CNOT10: variants seen among roughly 807,000 people sequenced by gnomAD.
CNOT10 encodes CCR4-NOT transcription complex subunit 10, also known as CCR4-NOT transcription complex, subunit 10.
In CNOT10, 30 loss-of-function variants were observed where a neutral mutation model predicts 94.6. The observed-to-expected ratio is 0.32, with a 90% CI of 0.24 to 0.43. The LOEUF is 0.43. CNOT10 is among the 20% of genes least tolerant of loss of function. The pLI, the probability that CNOT10 is intolerant of heterozygous loss-of-function variation, is 1.00. For synonymous variants in CNOT10, 289 were observed against 301.6 expected (o/e 0.96, Z 0.43); for missense variants, 759 against 877.2 (o/e 0.87, Z 1.70).
rs868654577 is a variant in CNOT10 at position 32,695,999 on chromosome 3, G to A, written c.23-7869G>A. On this transcript the variant is annotated intron_variant, in intron 1 of 18. Transcript: ENST00000328834. Reference sequence around the variant, plus strand: ...TGTGTGTGTGTGTGTGTGTGTGTGTGTGTGTGTGTGTGTGTGTATTTGAAA... The same window carrying A: ...TGTGTGTGTGTGTGTGTGTGTGTGTATGTGTGTGTGTGTGTGTATTTGAAA... Among the ~76,000 whole-genome samples, 1 of 130,284 alleles carries A rather than the reference G, an allele frequency of 7.7e-6. No homozygotes were observed. The highest frequency in any genetic ancestry group is 2.7e-5 in the African/African-American group (1 of 36,602). The allele number at this position is 130,284 out of a possible 152,430, so 85.5% of individuals were successfully genotyped here.
intron 1 of CNOT10, among the ~76,000 whole-genome samples, chr3:32,699,706 A>G (rs749509971): frequency 3.3e-5 from 5 of 152,126 alleles, no homozygotes; most frequent in Non-Finnish European, 7.4e-5. Flanking sequence ...AGGGCACCAT[A>G]CTGGGGGAGC....
At chr3:32,720,579 A>G (rs1397983400) in intron 8 of CNOT10, among the ~76,000 whole-genome samples, 1 of 151,538 alleles carries the variant, frequency 6.6e-6, no homozygotes, top group Non-Finnish European at 1.5e-5. Flanking sequence ...TACAGCCTCA[A>G]CCTCCTAGGC....
chr3:32,694,875 C>T (rs1696985089), intron 1 of CNOT10, among the ~76,000 whole-genome samples: 1 of 152,152 alleles, frequency 6.6e-6, no homozygotes, highest in Admixed American at 6.6e-5. Context: ...AGGTGTGAGT[C>T]ACCGCGCCCA....
chr3:32,756,879 C>T (rs193039257), intron 13 of CNOT10, among the ~76,000 whole-genome samples: 27 of 151,868 alleles, frequency 1.8e-4, no homozygotes, highest in Admixed American at 5.3e-4. Flanking sequence ...GAGGCCGAGG[C>T]GGGCAGATCA....
chr3:32,718,986 C>T (rs532494193), intron 7 of CNOT10, among the ~76,000 whole-genome samples: 2 of 152,156 alleles, frequency 1.3e-5, no homozygotes, highest in Non-Finnish European at 2.9e-5. Flanking sequence ...CATGGTGGCT[C>T]ACGCCTGTAA....
At chr3:32,735,113 T>C in intron 12 of CNOT10, 137 bp downstream of exon 12, 1 of 724,300 alleles carries the variant, frequency 1.4e-6, no homozygotes, top group Non-Finnish European at 2.2e-6. Context: ...GAAAGGAAAG[T>C]ATTTATGTTT....
At chr3:32,753,478 C>T in intron 13 of CNOT10, 3 of 1,561,002 alleles carry the variant, frequency 1.9e-6, no homozygotes, top group Non-Finnish European at 2.6e-6. Flanking sequence ...GAAACTGGAA[C>T]TTCATCCTAT....
intron 16 of CNOT10, 71 bp downstream of exon 16, chr3:32,764,561 G>C: frequency 6.2e-7 from 1 of 1,604,822 alleles, no homozygotes; most frequent in Non-Finnish European, 8.5e-7. Context: ...TAAATCTTCT[G>C]TGTTCGTTTT....
At chr3:32,743,433 C>G (rs1699560462) in intron 13 of CNOT10, among the ~76,000 whole-genome samples, 1 of 152,022 alleles carries the variant, frequency 6.6e-6, no homozygotes. Flanking sequence ...AGTTCGAGAT[C>G]AGCCTGGCCA....
chr3:32,740,861 TAAA>T (rs35227726), intron 13 of CNOT10, among the ~76,000 whole-genome samples: 18 of 137,212 alleles, frequency 1.3e-4, no homozygotes, highest in Admixed American at 2.2e-4. Flanking sequence ...GACTCCGTCT[TAAA>T]AAAAAAAAAA....
chr3:32,718,539 G>A (rs377055986), intron 7 of CNOT10, among the ~76,000 whole-genome samples: 50 of 133,522 alleles, frequency 3.7e-4, no homozygotes, highest in African/African-American at 1.3e-3. Context: ...AGCCGAGACC[G>A]CGCCACTGCA....
intron 3 of CNOT10, 136 bp from the exon 4 acceptor site, chr3:32,708,533 TA>T: frequency 1.5e-6 from 1 of 669,490 alleles, no homozygotes. Flanking sequence ...AATTAAAATC[TA>T]AAGATACTGT....
chr3:32,768,659 T>C (rs916026122), intron 17 of CNOT10, among the ~76,000 whole-genome samples: 1 of 152,176 alleles, frequency 6.6e-6, no homozygotes, highest in Non-Finnish European at 1.5e-5. Context: ...GGCTTAGATA[T>C]ATAAAATCTC....
At chr3:32,708,474 T>A (rs948195826) in intron 3 of CNOT10, among the ~76,000 whole-genome samples, 196 bp from the exon 4 acceptor site, 1 of 152,210 alleles carries the variant, frequency 6.6e-6, no homozygotes, top group African/African-American at 2.4e-5. Context: ...CCTAAAATTT[T>A]ATTATGTGTG....
intron 13 of CNOT10, among the ~76,000 whole-genome samples, chr3:32,759,130 A>ATAGTGT (rs370754709): frequency 1.3e-5 from 2 of 149,524 alleles, no homozygotes; most frequent in South Asian, 2.1e-4. Flanking sequence ...ATATATATAT[A>ATAGTGT]GTGTGTGTGT....
chr3:32,714,496 G>A (rs1698032818), intron 5 of CNOT10, among the ~76,000 whole-genome samples: 1 of 151,216 alleles, frequency 6.6e-6, no homozygotes, highest in Non-Finnish European at 1.5e-5. Flanking sequence ...ATCACCTGAG[G>A]TCAGGAGTTA....
At chr3:32,769,768 A>C (rs1234379552) in intron 17 of CNOT10, 119 bp from the exon 18 acceptor site, 24 of 751,392 alleles carry the variant, frequency 3.2e-5, no homozygotes, top group Non-Finnish European at 5.4e-5. Flanking sequence ...GGTAGTCCCT[A>C]GGAAGTCACG....
intron 13 of CNOT10, among the ~76,000 whole-genome samples, chr3:32,748,797 C>T (rs1270841255): frequency 6.6e-6 from 1 of 151,708 alleles, no homozygotes; most frequent in African/African-American, 2.4e-5. Flanking sequence ...CAGGTGTGAG[C>T]CACCATGCCC....
rs1266993173 is a variant in CNOT10 at position 32,713,389 on chromosome 3, C to G, written c.573+20C>G. On this transcript the variant is annotated intron_variant, in intron 5 of 18. Coordinates refer to ENST00000328834, the MANE Select transcript of CNOT10 (RefSeq NM_015442.3). ...AATGAGGTGAGTCTTTAGAGGTGAT[C>G]AGACTAAAATCTAAAATGTGATTAA... is the stretch of plus-strand genomic sequence containing the variant. 2 of 1,555,808 alleles carry G rather than the reference C, an allele frequency of 1.3e-6. No homozygotes were observed. The highest frequency in any genetic ancestry group is 2.3e-5 in the East Asian group (1 of 43,062).
Sources: gnomAD v4.1 joint callset for allele counts (sites outside exome capture counted in the v4.1 genomes callset) on GRCh38, gnomAD v4.1.1 for gene constraint, MANE v1.5 for transcripts, NCBI Gene and HGNC (gene_info 2026-07-23, HGNC 2026-07-21) for gene names.